Variants in ENAH observed in about 807,000 individuals in gnomAD.
ENAH encodes the protein protein enabled homolog.
ENAH carries 23 observed loss-of-function variants against 78.7 expected under a neutral mutation model. The ratio of observed to expected loss-of-function variants is 0.29; its 90% confidence interval spans 0.21 to 0.41. The LOEUF (loss-of-function observed/expected upper bound fraction) is 0.41, where lower values mean the gene tolerates loss of function less well. Ranked by LOEUF, ENAH falls within the 10% of genes least tolerant of loss-of-function variation. The pLI is 1.00. For synonymous variants in ENAH, 226 were observed against 241.0 expected, an observed-to-expected ratio of 0.94 and a Z score of 0.58; for missense variants, 544 against 691.0, an observed-to-expected ratio of 0.79 and a Z score of 2.39.
intron 1 of ENAH, among the ~76,000 whole-genome samples, chr1:225,630,086 C>T (rs930671024): frequency 7.2e-5 from 11 of 151,984 alleles, no homozygotes; most frequent in Middle Eastern, 6.8e-3. Flanking sequence ...ACAAATAACA[C>T]AATATAAAAT....
intron 1 of ENAH, among the ~76,000 whole-genome samples, chr1:225,588,403 G>C (rs761422285): frequency 2.6e-5 from 4 of 152,212 alleles, no homozygotes; most frequent in Admixed American, 6.5e-5. Flanking sequence ...GGAAACGCCA[G>C]TTAAAATCAC....
Position 225,495,427 on chromosome 1 carries a change from G to A in ENAH, c.*2348C>T, listed in dbSNP as rs571679505. The A allele has an allele frequency of 6.9e-6, 1 of 145,422 alleles. No individual in the cohort carries two copies. Among genetic ancestry groups the A allele is most frequent in the South Asian group, 2.2e-4 (1 of 4,538 alleles). 9.0% of individuals were successfully genotyped at this position (145,422 alleles called of 1,614,324 possible). On this transcript the variant is annotated 3_prime_UTR_variant, in exon 14 of 14. Transcript: ENST00000366843. ...GAAAGAACATTTAGCAATCTGGGAT[G>A]ATGGGAAATATAGCATGATTCAACA...
chr1:225,587,952 A>G (rs1377833065), intron 1 of ENAH, among the ~76,000 whole-genome samples: 1 of 152,214 alleles, frequency 6.6e-6, no homozygotes, highest in Non-Finnish European at 1.5e-5. Context: ...ATCTCAATGC[A>G]TACCTCACAC....
chr1:225,631,749 A>G (rs1030081474), intron 1 of ENAH, among the ~76,000 whole-genome samples: 1 of 152,096 alleles, frequency 6.6e-6, no homozygotes, highest in African/African-American at 2.4e-5. Flanking sequence ...GCCAGTGCTC[A>G]TTTTTGGACT....
intron 4 of ENAH, chr1:225,524,629 G>A (rs1241956822): frequency 3.0e-5 from 30 of 985,266 alleles, no homozygotes; most frequent in Admixed American, 1.2e-4. Context: ...TGGTCCATCC[G>A]GCCTCCGAAG....
In ENAH at chr1:225,501,158, C is replaced by A. The variant is rs1056242272; in HGVS notation, c.1539-88G>T. The A allele has an allele frequency of 8.4e-6, 8 of 953,124 alleles. No individual in the cohort carries two copies. In the African/African-American group the frequency reaches 1.3e-4, roughly 16 times the overall value. 59.0% of individuals were successfully genotyped at this position (953,124 alleles called of 1,614,324 possible). On this transcript the variant is annotated intron_variant, in intron 11 of 13. Coordinates refer to ENST00000366843, the MANE Select transcript of ENAH (RefSeq NM_018212.6). The stretch of plus-strand genomic sequence containing the variant: ...TAATTGCAAATTTACCAACCCAACA[C>A]CAGATTTAAATACATTTCTTTAAAA...
rs900091543 is a variant in ENAH at position 225,496,324 on chromosome 1, C to T, written c.*1451G>A. ...TGGCAGGCAGAGTGTCTAATTCCTT[C>T]TTCCCACCTTCCTTCTTCCCACCAC... On this transcript the variant is annotated 3_prime_UTR_variant, in exon 14 of 14. Coordinates refer to ENST00000366843, the MANE Select transcript of ENAH (RefSeq NM_018212.6). The T allele has an allele frequency of 1.4e-4, 21 of 152,016 alleles. No individual in the cohort carries two copies. Among genetic ancestry groups the T allele is most frequent in the African/African-American group, 4.6e-4 (19 of 41,272 alleles). 9.4% of individuals were successfully genotyped at this position (152,016 alleles called of 1,614,324 possible). A position where few individuals can be genotyped will look rare whatever the true frequency, so the allele number is the denominator to read the frequency against.
In ENAH at chr1:225,512,866, C is replaced by T. The variant is rs1238346172; in HGVS notation, c.1364+5G>A. 1 of 1,612,320 alleles carries T rather than the reference C, an allele frequency of 6.2e-7. No homozygotes were observed. Among genetic ancestry groups the T allele is most frequent in the Non-Finnish European group, 8.5e-7 (1 of 1,179,274 alleles). On this transcript the variant is annotated splice_donor_5th_base_variant and intron_variant, in intron 8 of 13. Coordinates refer to ENST00000366843, the MANE Select transcript of ENAH (RefSeq NM_018212.6). ...GGGCATGTCCATTATAATGAAATTC[C>T]TTACCTCCTGGCCAGCAGGGCACTC... is the stretch of plus-strand genomic sequence containing the variant.
chr1:225,652,115 C>G (rs1663129272), intron 1 of ENAH, among the ~76,000 whole-genome samples: 1 of 152,004 alleles, frequency 6.6e-6, no homozygotes, highest in Non-Finnish European at 1.5e-5. Flanking sequence ...TTACTGCCCC[C>G]ACCACGTGAA....
intron 1 of ENAH, among the ~76,000 whole-genome samples, chr1:225,601,385 G>A (rs779358319): frequency 1.3e-5 from 2 of 152,088 alleles, no homozygotes; most frequent in Non-Finnish European, 2.9e-5. Flanking sequence ...GGGTGTGGTG[G>A]CGGACGCATG....
chr1:225,557,333 G>GT (rs1158125138), intron 2 of ENAH, among the ~76,000 whole-genome samples: 2 of 151,986 alleles, frequency 1.3e-5, no homozygotes, highest in African/African-American at 4.8e-5. Flanking sequence ...TTACATTAAG[G>GT]TTTTTTCCTC....
Position 225,490,505 on chromosome 1 carries a change from G to A in ENAH, c.*7270C>T, listed in dbSNP as rs1361390907. The A allele has an allele frequency of 6.6e-6, 1 of 151,880 alleles. No homozygotes were observed. The highest frequency in any genetic ancestry group is 6.6e-5 in the Admixed American group (1 of 15,260). 9.4% of individuals were successfully genotyped at this position (151,880 alleles called of 1,614,324 possible). A position where few individuals can be genotyped will look rare whatever the true frequency, so the allele number is the denominator to read the frequency against. ...GGAAAATCCCTTTGAACCCAGGGGG[G>A]GGAAGTTGCAGTGAGCCGAGATCGC... On this transcript the variant is annotated 3_prime_UTR_variant, in exon 14 of 14. Coordinates refer to ENST00000366843, the MANE Select transcript of ENAH (RefSeq NM_018212.6).
In ENAH at chr1:225,519,260, C is replaced by T. The variant is rs780546038; in HGVS notation, c.740G>A (p.Arg247Gln). The T allele has an allele frequency of 5.6e-6, 9 of 1,614,084 alleles. No homozygotes were observed. The highest frequency in any genetic ancestry group is 2.7e-5 in the African/African-American group (2 of 74,934). The change falls in exon 5 of 14, where the codon CGA (arginine) becomes CAA (glutamine). Residue 247 changes from arginine (R) to glutamine (Q), a missense_variant. By Grantham distance (43) the Arg-to-Gln change is conservative. Coordinates refer to ENST00000366843, the MANE Select transcript of ENAH (RefSeq NM_018212.6). Reference protein sequence around the residue: ...RLERERQERERQEQLEREQLE... With the variant: ...RLERERQEREQQEQLEREQLE... ...CTGTTCCCTTTCTAACTGCTCTTGT[C>T]GCTCCCTTTCTTGCCTCTCCCGTTC...
At chr1:225,544,072 T>C (rs2096601946) in intron 3 of ENAH, among the ~76,000 whole-genome samples, 1 of 152,190 alleles carries the variant, frequency 6.6e-6, no homozygotes, top group Admixed American at 6.5e-5. Context: ...GTGAATGGTC[T>C]CATCAGAGTG....
intron 1 of ENAH, among the ~76,000 whole-genome samples, chr1:225,582,863 G>A (rs2096826040): frequency 6.6e-6 from 1 of 151,946 alleles, no homozygotes; most frequent in Non-Finnish European, 1.5e-5. Flanking sequence ...CCCACTCTCC[G>A]CAAAAAAGAG....
intron 5 of ENAH, chr1:225,517,691 T>C (rs998018469): frequency 6.4e-7 from 1 of 1,550,966 alleles, no homozygotes; most frequent in East Asian, 2.4e-5. Context: ...GAGGGTGTGT[T>C]CACAGGAGAA....
Position 225,517,220 on chromosome 1 carries a change from G to C in ENAH, c.889C>G (p.Pro297Ala). ...SEPGLQAASQPAETPSQQGIV... is the reference protein window; with the variant it reads ...SEPGLQAASQAAETPSQQGIV... Reference sequence around the variant, plus strand: ...CCCTGTTGGGATGGAGTCTCGGCCGGCTGAGAGGCTGCCTGCAAGCCTGGC... The same window carrying C: ...CCCTGTTGGGATGGAGTCTCGGCCGCCTGAGAGGCTGCCTGCAAGCCTGGC... Residue 297 changes from proline (P) to alanine (A), a missense_variant, in exon 6 of 14, where the codon CCG (proline) becomes GCG (alanine). By Grantham distance (27) the Pro-to-Ala change is conservative (BLOSUM62 -1). This residue lies in a region of ENAH where 366 missense variants were observed against 396.1 expected (regional missense o/e 0.92). Transcript: ENST00000366843. The C allele has an allele frequency of 1.3e-6, 2 of 1,545,722 alleles. No individual in the cohort carries two copies. The highest frequency in any genetic ancestry group is 1.7e-6 in the Non-Finnish European group (2 of 1,144,212).
chr1:225,595,934 G>A (rs1203012386), intron 1 of ENAH, among the ~76,000 whole-genome samples: 3 of 152,164 alleles, frequency 2.0e-5, no homozygotes, highest in African/African-American at 7.2e-5. Flanking sequence ...GATATGCAAT[G>A]TCTGCAACTG....
intron 1 of ENAH, 148 bp from the exon 2 acceptor site, chr1:225,567,562 T>C: frequency 1.3e-6 from 1 of 749,516 alleles, no homozygotes; most frequent in Non-Finnish European, 2.0e-6. Flanking sequence ...AGGCTTCCTG[T>C]CTTTATGTGT....
Sources: allele counts gnomAD v4.1 joint callset (sites outside exome capture counted in the v4.1 genomes callset), GRCh38; gene constraint gnomAD v4.1.1; regional missense constraint gnomAD v4.1.1; transcripts MANE v1.5; gene names NCBI Gene and HGNC (gene_info 2026-07-23, HGNC 2026-07-21).